Variants in NRG3 observed in about 807,000 individuals in gnomAD.
NRG3 encodes pro-neuregulin-3, membrane-bound isoform.
In NRG3, 31 loss-of-function variants were observed where a neutral mutation model predicts 66.9. The ratio of observed to expected loss-of-function variants is 0.46; its 90% CI spans 0.35 to 0.63. The LOEUF (loss-of-function observed/expected upper bound fraction) is 0.63. Ranked by LOEUF, NRG3 falls within the 20% of genes least tolerant of loss-of-function variation. The pLI is 0.00. For missense variants in NRG3, 910 were observed against 878.9 expected (o/e 1.04, Z -0.45); for synonymous variants, 393 against 359.4 (o/e 1.09, Z -1.06).
At chr10:81,889,713 C>T (rs1296446016) in intron 1 of NRG3, 1 of 152,182 alleles carries the variant, frequency 6.6e-6, no homozygotes, top group Non-Finnish European at 1.5e-5. Flanking sequence ...CTGACATATA[C>T]AAGTGTTATT....
At chr10:82,691,385 T>G (rs531505819) in intron 2 of NRG3, among the ~76,000 whole-genome samples, 69 of 152,286 alleles carry the variant, frequency 4.5e-4, no homozygotes, top group Admixed American at 1.2e-3. Context: ...TTATTTGATT[T>G]TCTCTGGCAC....
intron 1 of NRG3, among the ~76,000 whole-genome samples, chr10:82,324,633 A>T (rs2081764815): frequency 6.6e-6 from 1 of 152,184 alleles, no homozygotes; most frequent in Admixed American, 6.5e-5. Context: ...TTTTCAGTTT[A>T]ATATACTTTC....
intron 4 of NRG3, among the ~76,000 whole-genome samples, chr10:82,941,309 G>T (rs1270305715): frequency 6.6e-6 from 1 of 152,020 alleles, no homozygotes; most frequent in Non-Finnish European, 1.5e-5. Context: ...TTTGCCTTCA[G>T]GCTCTCTTTT....
intron 3 of NRG3, among the ~76,000 whole-genome samples, chr10:82,833,178 A>T (rs576696382): frequency 3.2e-4 from 48 of 152,190 alleles, no homozygotes; most frequent in Non-Finnish European, 5.6e-4. Flanking sequence ...ATAAAAATGC[A>T]TCTAATGCCT....
chr10:82,714,792 A>G (rs2056878119), intron 2 of NRG3, among the ~76,000 whole-genome samples: 1 of 152,218 alleles, frequency 6.6e-6, no homozygotes, highest in Non-Finnish European at 1.5e-5. Flanking sequence ...TGTTTGAATG[A>G]ATTTTTCCTT....
intron 1 of NRG3, among the ~76,000 whole-genome samples, chr10:81,899,022 T>C (rs1261086623): frequency 1.3e-5 from 2 of 152,198 alleles, no homozygotes; most frequent in African/African-American, 2.4e-5. Flanking sequence ...TAAATTTCCT[T>C]AGGTTTTCAG....
At chr10:82,392,163 T>A (rs925987800) in intron 2 of NRG3, among the ~76,000 whole-genome samples, 1 of 152,166 alleles carries the variant, frequency 6.6e-6, no homozygotes, top group African/African-American at 2.4e-5. Context: ...GAACTGAGAA[T>A]AAGAGATGGC....
intron 2 of NRG3, among the ~76,000 whole-genome samples, chr10:82,660,957 G>A (rs1209417584): frequency 6.6e-6 from 1 of 151,736 alleles, no homozygotes; most frequent in Non-Finnish European, 1.5e-5. Flanking sequence ...TTTTTTCTAA[G>A]TTATTTATGT....
At chr10:82,832,343 G>T (rs1176978319) in intron 3 of NRG3, among the ~76,000 whole-genome samples, 2 of 152,104 alleles carry the variant, frequency 1.3e-5, no homozygotes, top group Admixed American at 1.3e-4. Context: ...AAATATTTCA[G>T]ATTAAATCCC....
At chr10:81,985,194 G>C (rs1167384766) in intron 1 of NRG3, among the ~76,000 whole-genome samples, 2 of 152,208 alleles carry the variant, frequency 1.3e-5, no homozygotes. Context: ...TTTTAAAGTT[G>C]TTATGGAGAC....
At chr10:82,068,220 A>G (rs551552456) in intron 1 of NRG3, among the ~76,000 whole-genome samples, 51 of 152,280 alleles carry the variant, frequency 3.3e-4, no homozygotes, top group Admixed American at 5.9e-4. Flanking sequence ...GTAGAACATA[A>G]CTGTTTAGAA....
At chr10:82,908,926 G>A (rs1165753080) in intron 4 of NRG3, among the ~76,000 whole-genome samples, 1 of 147,608 alleles carries the variant, frequency 6.8e-6, no homozygotes, top group African/African-American at 2.5e-5. Context: ...TCAGCGACTG[G>A]AGCTGTGGCA....
Position 82,532,072 on chromosome 10 carries a change from T to A in NRG3, c.953+173204T>A, listed in dbSNP as rs575588542. ...GTGATACTTTGATATAAGGATACAA[T>A]GGGCAAGGATCAAATCACTGTAATT... On this transcript the variant is annotated intron_variant, in intron 2 of 8. Transcript: ENST00000372141. 3.9e-5 allele frequency among the ~76,000 whole-genome samples: 6 copies of A among 152,012 alleles called. No homozygotes were observed. The South Asian group carries it at 1.2e-3, about 31-fold the overall frequency.
At chr10:82,544,423 C>T (rs989872001) in intron 2 of NRG3, among the ~76,000 whole-genome samples, 1 of 152,082 alleles carries the variant, frequency 6.6e-6, no homozygotes, top group East Asian at 1.9e-4. Context: ...GTCCTCAATC[C>T]ATTTCCCCTG....
chr10:82,173,270 G>GT (rs5786535), intron 1 of NRG3, among the ~76,000 whole-genome samples: 424 of 147,420 alleles, frequency 2.9e-3, no homozygotes, highest in South Asian at 3.8e-3. Flanking sequence ...GATACATTAA[G>GT]TTTTTTTTTT....
At chr10:82,002,553 A>C (rs372745382) in intron 1 of NRG3, among the ~76,000 whole-genome samples, 14 of 152,176 alleles carry the variant, frequency 9.2e-5, no homozygotes, top group Admixed American at 5.2e-4. Context: ...ATAAACTTCT[A>C]GTTTGTTCTG....
chr10:81,998,742 A>G (rs939836052), intron 1 of NRG3, among the ~76,000 whole-genome samples: 2 of 152,202 alleles, frequency 1.3e-5, no homozygotes, highest in African/African-American at 4.8e-5. Context: ...ATCATGAGAA[A>G]TAAGTCTAGC....
intron 1 of NRG3, among the ~76,000 whole-genome samples, chr10:81,965,608 C>G (rs750503841): frequency 2.3e-4 from 35 of 152,028 alleles, no homozygotes; most frequent in Non-Finnish European, 4.4e-4. Context: ...TATGTCATTT[C>G]CATAATTTTG....
At chr10:81,948,339 T>C (rs1849033259) in intron 1 of NRG3, among the ~76,000 whole-genome samples, 4 of 152,248 alleles carry the variant, frequency 2.6e-5, no homozygotes, top group Admixed American at 1.3e-4. Flanking sequence ...TTTAATAATC[T>C]CCAAACCCTT....
Sources: allele counts gnomAD v4.1 joint callset (sites outside exome capture counted in the v4.1 genomes callset), GRCh38; gene constraint gnomAD v4.1.1; transcripts MANE v1.5; gene names NCBI Gene and HGNC (gene_info 2026-07-23, HGNC 2026-07-21).